The following TRPM3 variants were observed in gnomAD, a reference collection of about 807,000 sequenced individuals.
TRPM3 encodes the protein transient receptor potential cation channel subfamily M member 3.
A neutral mutation model predicts 181.2 loss-of-function variants in TRPM3; 77 were observed. The ratio of observed to expected loss-of-function variants is 0.42; its 90% confidence interval spans 0.35 to 0.51. TRPM3 has a LOEUF of 0.51. Among genes scored for constraint, TRPM3 ranks in the 20% least tolerant of loss-of-function variants. The pLI is 0.01. For missense variants in TRPM3, 1,759 were observed against 2,196.7 expected, an observed-to-expected ratio of 0.80 and a Z score of 3.98; for synonymous variants, 745 against 796.4, an observed-to-expected ratio of 0.94 and a Z score of 1.09.
At chr9:70,621,578 C>T (rs2063650080) in intron 14 of TRPM3, among the ~76,000 whole-genome samples, 1 of 152,112 alleles carries the variant, frequency 6.6e-6, no homozygotes, top group Non-Finnish European at 1.5e-5. Context: ...TGTTGCCAGG[C>T]TGGTCTCAAG....
intron 1 of TRPM3, among the ~76,000 whole-genome samples, chr9:71,282,515 A>G (rs914315797): frequency 7.4e-4 from 112 of 152,336 alleles, no homozygotes; most frequent in Middle Eastern, 3.4e-3. Flanking sequence ...AACAAGAGGT[A>G]TGCCAAAGCA....
chr9:71,306,519 G>T (rs1211852047), intron 1 of TRPM3, among the ~76,000 whole-genome samples: 5 of 151,966 alleles, frequency 3.3e-5, no homozygotes, highest in Non-Finnish European at 7.4e-5. Flanking sequence ...AAAAAGTTTG[G>T]AAAATAGATT....
At chr9:71,247,915 C>G (rs952709490) in intron 1 of TRPM3, among the ~76,000 whole-genome samples, 2 of 152,038 alleles carry the variant, frequency 1.3e-5, no homozygotes, top group African/African-American at 4.8e-5. Context: ...AAAGTGAAGG[C>G]CTTAAAATAG....
intron 1 of TRPM3, among the ~76,000 whole-genome samples, chr9:70,896,416 A>T (rs1482958675): frequency 6.6e-6 from 1 of 152,208 alleles, no homozygotes; most frequent in Non-Finnish European, 1.5e-5. Flanking sequence ...TGGGATCTGG[A>T]TGAATTTTCT....
intron 1 of TRPM3, among the ~76,000 whole-genome samples, chr9:71,439,479 CAAT>C (rs2094101976): frequency 6.6e-6 from 1 of 152,100 alleles, no homozygotes; most frequent in Non-Finnish European, 1.5e-5. Context: ...TGATGGAAGA[CAAT>C]AAGATTCAGT....
chr9:71,427,295 G>A (rs1438874064), intron 1 of TRPM3, among the ~76,000 whole-genome samples: 1 of 152,098 alleles, frequency 6.6e-6, no homozygotes, highest in Non-Finnish European at 1.5e-5. Context: ...ACCATCAGAA[G>A]CAGAAGCAAC....
chr9:71,386,177 G>C (rs983037581), intron 1 of TRPM3, among the ~76,000 whole-genome samples: 3 of 152,028 alleles, frequency 2.0e-5, no homozygotes, highest in Non-Finnish European at 4.4e-5. Flanking sequence ...CAAGCCAAGC[G>C]TGGTGGCTCC....
intron 1 of TRPM3, among the ~76,000 whole-genome samples, chr9:71,396,284 CA>C (rs1414299593): frequency 1.7e-5 from 2 of 115,566 alleles, no homozygotes; most frequent in Non-Finnish European, 3.6e-5. Context: ...AACAAACAAA[CA>C]AAAAAAGTGC....
chr9:70,751,076 G>A (rs2076058772), intron 8 of TRPM3, among the ~76,000 whole-genome samples: 1 of 151,892 alleles, frequency 6.6e-6, no homozygotes, highest in Non-Finnish European at 1.5e-5. Flanking sequence ...AATGTATTCA[G>A]GGTAATTAGC....
chr9:70,648,425 AT>A (rs1301223094), intron 9 of TRPM3, among the ~76,000 whole-genome samples: 1 of 152,160 alleles, frequency 6.6e-6, no homozygotes, highest in Non-Finnish European at 1.5e-5. Context: ...GCAGTAAGCC[AT>A]GATCATGGCA....
At chr9:70,811,700 A>G (rs1262683976) in intron 6 of TRPM3, among the ~76,000 whole-genome samples, 1 of 152,058 alleles carries the variant, frequency 6.6e-6, no homozygotes, top group Non-Finnish European at 1.5e-5. Flanking sequence ...TTTTAATAAC[A>G]TTTTCCTGAT....
At chr9:71,131,244 C>T (rs1476651966) in intron 1 of TRPM3, among the ~76,000 whole-genome samples, 2 of 152,216 alleles carry the variant, frequency 1.3e-5, no homozygotes, top group Non-Finnish European at 2.9e-5. Context: ...TCCTCCAGCT[C>T]TTCATGAGAT....
chr9:70,937,434 C>G (rs550851618), intron 1 of TRPM3, among the ~76,000 whole-genome samples: 3 of 152,116 alleles, frequency 2.0e-5, no homozygotes, highest in Non-Finnish European at 2.9e-5. Flanking sequence ...AAAGCAGTAA[C>G]TCTAATAATG....
intron 9 of TRPM3, among the ~76,000 whole-genome samples, chr9:70,648,018 T>C (rs865920455): frequency 7.9e-5 from 12 of 152,274 alleles, no homozygotes; most frequent in Middle Eastern, 3.4e-3. Flanking sequence ...GCAAGAATTA[T>C]AAAACACTGT....
intron 1 of TRPM3, among the ~76,000 whole-genome samples, chr9:71,312,869 A>C (rs1201712235): frequency 6.6e-6 from 1 of 152,148 alleles, no homozygotes; most frequent in Non-Finnish European, 1.5e-5. Context: ...ACAGTAAAAC[A>C]TCAGTGGTGG....
intron 1 of TRPM3, among the ~76,000 whole-genome samples, chr9:71,054,067 C>A (rs2060376503): frequency 6.6e-6 from 1 of 152,078 alleles, no homozygotes; most frequent in Admixed American, 6.6e-5. Context: ...TGCTATCCAC[C>A]ATTGATATAT....
chr9:70,931,539 A>ATAAAATATT (rs2096775080), intron 1 of TRPM3, among the ~76,000 whole-genome samples: 1 of 152,172 alleles, frequency 6.6e-6, no homozygotes, highest in Non-Finnish European at 1.5e-5. Context: ...TGAAGTTTGA[A>ATAAAATATT]TAAAATATTT....
chr9:70,997,936 C>A (rs762371978), intron 1 of TRPM3, among the ~76,000 whole-genome samples: 1 of 151,898 alleles, frequency 6.6e-6, no homozygotes, highest in Non-Finnish European at 1.5e-5. Flanking sequence ...CCAATAAGAT[C>A]ACTCAAAGCC....
chr9:70,801,309 G>C (rs1236715918), intron 6 of TRPM3, among the ~76,000 whole-genome samples: 2 of 152,074 alleles, frequency 1.3e-5, no homozygotes, highest in Admixed American at 6.6e-5. Flanking sequence ...AAGGGCCAAG[G>C]CTCACCGTTG....
Sources: allele counts gnomAD v4.1 joint callset (sites outside exome capture counted in the v4.1 genomes callset), GRCh38; gene constraint gnomAD v4.1.1; transcripts MANE v1.5; gene names NCBI Gene and HGNC (gene_info 2026-07-23, HGNC 2026-07-21).